The following DRC4 variants were observed in gnomAD, a reference collection of about 807,000 sequenced individuals.
DRC4 encodes the protein dynein regulatory complex subunit 4.
At chr16:90,036,785 A>G in the DRC4 span, 9 of 700,128 alleles carry the variant, frequency 1.3e-5, no homozygotes, top group South Asian at 1.4e-4. Flanking sequence ...TGTTAAAAGC[A>G]GTCAGGATAT....
At chr16:90,038,564 G>T in the DRC4 span, among the ~76,000 whole-genome samples, 1 of 152,212 alleles carries the variant, frequency 6.6e-6, no homozygotes, top group Admixed American at 6.5e-5. Flanking sequence ...AGGAAAGCCA[G>T]TTCCTAGCAG....
the DRC4 span, chr16:90,040,279 C>G: frequency 1.9e-6 from 3 of 1,557,704 alleles, no homozygotes; most frequent in Non-Finnish European, 2.6e-6. Flanking sequence ...TCATCGCCCA[C>G]CCCCAGCGCT....
the DRC4 span, among the ~76,000 whole-genome samples, chr16:90,031,828 G>A: frequency 6.6e-6 from 1 of 152,186 alleles, no homozygotes; most frequent in African/African-American, 2.4e-5. Flanking sequence ...GTTTGCATAG[G>A]TGAACAGGCA....
chr16:90,042,282 C>A, the DRC4 span: 1 of 644,954 alleles, frequency 1.6e-6, no homozygotes, highest in South Asian at 1.5e-5. Context: ...CAGTTCTCTG[C>A]TTCTTCCTTG....
chr16:90,036,400 T>C, the DRC4 span: 93 of 1,607,472 alleles, frequency 5.8e-5, no homozygotes, highest in Non-Finnish European at 7.1e-5. Flanking sequence ...CCAAGTATGA[T>C]AAGAAGATGA....
At chr16:90,027,675 AC>A in the DRC4 span, 1 of 1,614,156 alleles carries the variant, frequency 6.2e-7, no homozygotes, top group Non-Finnish European at 8.5e-7. Context: ...AGCCAAAGGC[AC>A]CCCGATTGTC....
chr16:90,039,313 G>C, the DRC4 span, among the ~76,000 whole-genome samples: 1 of 152,300 alleles, frequency 6.6e-6, no homozygotes, highest in Non-Finnish European at 1.5e-5. Context: ...TCTTCCTAGA[G>C]AACCGAGAGC....
At chr16:90,028,017 T>G in the DRC4 span, 1 of 377,990 alleles carries the variant, frequency 2.6e-6, no homozygotes, top group Non-Finnish European at 4.9e-6. Flanking sequence ...CTTTCAATCT[T>G]ACCCTTTTTT....
chr16:90,028,117 G>T, the DRC4 span: 1 of 144,870 alleles, frequency 6.9e-6, no homozygotes. Context: ...CAAAAAGGAA[G>T]TTTTTGAAAG....
chr16:90,026,466 G>A, the DRC4 span, among the ~76,000 whole-genome samples: 3 of 152,134 alleles, frequency 2.0e-5, no homozygotes, highest in Non-Finnish European at 4.4e-5. Flanking sequence ...TTGAAAGAAA[G>A]GAAACTTGTG....
At chr16:90,032,566 A>G in the DRC4 span, 4 of 658,704 alleles carry the variant, frequency 6.1e-6, no homozygotes, top group Non-Finnish European at 1.1e-5. Context: ...TGGACAGGTA[A>G]GGAGGTGTGG....
At chr16:90,035,998 T>C in the DRC4 span, 143 of 1,054,184 alleles carry the variant, frequency 1.4e-4, 1 homozygote, top group African/African-American at 2.1e-3. Flanking sequence ...GTCTTCTCCA[T>C]GGCTCCTGGT....
chr16:90,041,852 G>A, the DRC4 span, among the ~76,000 whole-genome samples: 3 of 152,166 alleles, frequency 2.0e-5, no homozygotes, highest in African/African-American at 4.8e-5. Context: ...TAAGCAATAT[G>A]TAGGTGGTGT....
At chr16:90,037,880 C>T in the DRC4 span, 10 of 1,588,636 alleles carry the variant, frequency 6.3e-6, no homozygotes, top group Middle Eastern at 1.8e-4. Context: ...CTGCAGTTGG[C>T]GGTGGGTGTT....
At chr16:90,022,220 C>T in the DRC4 span, 7 of 154,538 alleles carry the variant, frequency 4.5e-5, no homozygotes, top group African/African-American at 1.7e-4. Flanking sequence ...TGTGTAAACC[C>T]ACCAGCGCAG....
chr16:90,032,029 G>GTGA, the DRC4 span, among the ~76,000 whole-genome samples: 1 of 152,068 alleles, frequency 6.6e-6, no homozygotes, highest in Non-Finnish European at 1.5e-5. Flanking sequence ...GTATGTACAG[G>GTGA]TGAGGAGGTG....
At chr16:90,040,217 G>A in the DRC4 span, 4 of 1,337,586 alleles carry the variant, frequency 3.0e-6, no homozygotes, top group Non-Finnish European at 4.1e-6. Flanking sequence ...CCAGGCAGGT[G>A]CAGAGGTGGG....
the DRC4 span, chr16:90,040,430 A>C: frequency 6.2e-7 from 1 of 1,612,318 alleles, no homozygotes; most frequent in Non-Finnish European, 8.5e-7. Context: ...GTGGAGAAGA[A>C]GGAGGTGCAG....
the DRC4 span, chr16:90,036,370 C>G: frequency 3.1e-6 from 5 of 1,593,392 alleles, no homozygotes; most frequent in Non-Finnish European, 4.3e-6. Context: ...CTGTTTGCTG[C>G]TGCCTTTCAG....
Sources: gnomAD v4.1 joint callset for allele counts (sites outside exome capture counted in the v4.1 genomes callset) on GRCh38, gnomAD v4.1.1 for gene constraint, MANE v1.5 for transcripts, NCBI Gene and HGNC (gene_info 2026-07-23, HGNC 2026-07-21) for gene names.